ALDH8A1: variants seen among roughly 807,000 people sequenced by gnomAD.
ALDH8A1 encodes the protein aldehyde dehydrogenase 8 family member A1, also known as 2-aminomuconic semialdehyde dehydrogenase.
ALDH8A1 carries 39 observed loss-of-function variants against 43.3 expected under a neutral mutation model. The ratio of observed to expected loss-of-function variants is 0.90; its 90% CI spans 0.70 to 1.18. The LOEUF (loss-of-function observed/expected upper bound fraction) is 1.18, where lower values mean the gene tolerates loss of function less well. Ranked by LOEUF, ALDH8A1 falls within the 50% of genes most tolerant of loss-of-function variation. The pLI, the probability that ALDH8A1 is intolerant of heterozygous loss-of-function variation, is 0.00. For missense variants in ALDH8A1, 605 were observed against 622.6 expected (o/e 0.97, Z 0.30); for synonymous variants, 233 against 243.5 (o/e 0.96, Z 0.40).
intron 3 of ALDH8A1, 22 bp downstream of exon 3, chr6:134,942,387 G>T (rs1319933589): frequency 1.3e-5 from 21 of 1,569,912 alleles, no homozygotes; most frequent in Non-Finnish European, 1.7e-5. Context: ...CGGGAGGTGG[G>T]CTCTCACTGA....
intron 4 of ALDH8A1, among the ~76,000 whole-genome samples, chr6:134,935,631 A>C (rs1236626427): frequency 6.6e-6 from 1 of 152,104 alleles, no homozygotes; most frequent in Non-Finnish European, 1.5e-5. Flanking sequence ...TAGGTGCAGA[A>C]ATCTTGCAGC....
rs138749612 is a variant in ALDH8A1 at position 134,946,114 on chromosome 6, A to G, written c.139-2148T>C. Among the ~76,000 whole-genome samples the G allele has an allele frequency of 1.2e-3, 177 of 152,354 alleles. 1 individual carries two copies. Among genetic ancestry groups the G allele is most frequent in the African/African-American group, 4.0e-3 (167 of 41,574 alleles). Reference sequence around the variant, plus strand: ...TTTCCTTAATAAATTACCCAGTCTCAGGTATTATCTTTATAGCAGTGTTAG... The same window carrying G: ...TTTCCTTAATAAATTACCCAGTCTCGGGTATTATCTTTATAGCAGTGTTAG... On this transcript the variant is annotated intron_variant, in intron 1 of 6. Coordinates refer to ENST00000265605, the MANE Select transcript of ALDH8A1 (RefSeq NM_022568.4).
chr6:134,921,759 T>C (rs1445745198), intron 6 of ALDH8A1, among the ~76,000 whole-genome samples: 3 of 152,342 alleles, frequency 2.0e-5, no homozygotes, highest in East Asian at 3.9e-4. Flanking sequence ...GGAATGCAGA[T>C]GGCAGCCCAG....
chr6:134,945,688 C>T (rs996050499), intron 1 of ALDH8A1, among the ~76,000 whole-genome samples: 1 of 152,130 alleles, frequency 6.6e-6, no homozygotes, highest in Non-Finnish European at 1.5e-5. Flanking sequence ...AATCCTTTTC[C>T]ATAGGCTTCT....
chr6:134,939,879 A>ATGT (rs1188569063), intron 3 of ALDH8A1, among the ~76,000 whole-genome samples: 1 of 152,264 alleles, frequency 6.6e-6, no homozygotes, highest in African/African-American at 2.4e-5. Context: ...ACACAATGGA[A>ATGT]TACAATGCAG....
rs138741870 is a variant in ALDH8A1 at position 134,932,935 on chromosome 6, G to C, written c.690C>G (p.Thr230=). The C allele has an allele frequency of 4.3e-6, 7 of 1,614,066 alleles. No homozygotes were observed. Among genetic ancestry groups the C allele is most frequent in the Non-Finnish European group, 5.1e-6 (6 of 1,180,016 alleles). The change falls in exon 5 of 7, where the codon ACC becomes ACG. Residue 230 remains threonine (T), a synonymous_variant. Coordinates refer to ENST00000265605, the MANE Select transcript of ALDH8A1 (RefSeq NM_022568.4). ...TCCGCTCAGCGGTGGGCTGGCTCCCGGTGAAGGAGATCAGGGGCACCTCTG... is the reference window on the plus strand; with the variant it reads ...TCCGCTCAGCGGTGGGCTGGCTCCCCGTGAAGGAGATCAGGGGCACCTCTG... ...SHPEVPLISF[T]GSQPTAERIT...
chr6:134,939,564 C>T, intron 3 of ALDH8A1, 149 bp from the exon 4 acceptor site: 1 of 900,398 alleles, frequency 1.1e-6, no homozygotes, highest in East Asian at 2.7e-5. Flanking sequence ...TTATTTGTAG[C>T]CACTTTCAGG....
chr6:134,939,467 G>A, intron 3 of ALDH8A1, 52 bp from the exon 4 acceptor site: 1 of 1,581,824 alleles, frequency 6.3e-7, no homozygotes, highest in Non-Finnish European at 8.6e-7. Context: ...CCTCTGAGGT[G>A]GACTGGCCAA....
chr6:134,935,953 C>CTTT (rs5880239), intron 4 of ALDH8A1, among the ~76,000 whole-genome samples: 7 of 138,912 alleles, frequency 5.0e-5, no homozygotes, highest in African/African-American at 1.1e-4. Flanking sequence ...AGCCCCACTT[C>CTTT]TTTTTTTTTT....
intron 4 of ALDH8A1, among the ~76,000 whole-genome samples, chr6:134,937,415 C>A (rs1207678386): frequency 6.6e-6 from 1 of 152,150 alleles, no homozygotes; most frequent in Non-Finnish European, 1.5e-5. Context: ...GAACATGACC[C>A]CCTCTATATT....
Position 134,950,077 on chromosome 6 carries a change from C to G in ALDH8A1, c.-24G>C, listed in dbSNP as rs1448140511. ...ATAGCAAGGAAAAATTCTGCCTTTCCTCTTTACGACTGAGCACTCAGGTTG... is the reference window on the plus strand; with the variant it reads ...ATAGCAAGGAAAAATTCTGCCTTTCGTCTTTACGACTGAGCACTCAGGTTG... On this transcript the variant is annotated 5_prime_UTR_variant, in exon 1 of 7. Coordinates refer to ENST00000265605, the MANE Select transcript of ALDH8A1 (RefSeq NM_022568.4). 4 of 1,593,216 alleles carry G rather than the reference C, an allele frequency of 2.5e-6. No homozygotes were observed. Among genetic ancestry groups the G allele is most frequent in the Non-Finnish European group, 3.4e-6 (4 of 1,169,340 alleles).
At chr6:134,943,084 C>T (rs77959423) in intron 2 of ALDH8A1, among the ~76,000 whole-genome samples, 1,775 of 152,332 alleles carry the variant, frequency 0.012, 39 homozygotes, top group African/African-American at 0.04. Flanking sequence ...ACATGCCCTG[C>T]ACGTCCTAGC....
At chr6:134,932,264 A>G (rs2114691432) in intron 5 of ALDH8A1, among the ~76,000 whole-genome samples, 2 of 152,316 alleles carry the variant, frequency 1.3e-5, no homozygotes, top group Admixed American at 1.3e-4. Flanking sequence ...CTGTTATGTA[A>G]TTTCAGGAGC....
rs553600278 is a variant in ALDH8A1, at chr6:134,928,934, A to C, written c.1011+120T>G. ...TGTCCACAATTTCTCCCAGGTTATA[A>C]TTTTTCAAAAATGGGGTAGTAACTA... is the stretch of plus-strand genomic sequence containing the variant. On this transcript the variant is annotated intron_variant, in intron 6 of 6. Transcript: ENST00000265605. The C allele has an allele frequency of 3.1e-5, 35 of 1,114,460 alleles. No homozygotes were observed. The African/African-American group carries it at 4.9e-4, about 16-fold the overall frequency. 69.0% of individuals were successfully genotyped at this position (1,114,460 alleles called of 1,614,324 possible).
intron 1 of ALDH8A1, among the ~76,000 whole-genome samples, chr6:134,948,467 G>C (rs777291222): frequency 2.0e-5 from 3 of 152,102 alleles, no homozygotes; most frequent in African/African-American, 7.2e-5. Context: ...TTGTATGCAT[G>C]TATCAAAATG....
chr6:134,932,987 C>T lies in ALDH8A1; in HGVS notation c.638G>A (p.Arg213Lys). The T allele has an allele frequency of 6.2e-7, 1 of 1,608,696 alleles. No individual in the cohort carries two copies. Among genetic ancestry groups the T allele is most frequent in the Non-Finnish European group, 8.5e-7 (1 of 1,177,372 alleles). ...GTGGGACACCAGGGCCTCACCCACC[C>T]TGGGCCCGGTTCCAAACACAATATT... Reference protein sequence around the residue: ...VVNIVFGTGPRVGEALVSHPE... With the variant: ...VVNIVFGTGPKVGEALVSHPE... Residue 213 changes from arginine to lysine, a missense_variant, in exon 5 of 7, where the codon AGG becomes AAG. Arg to Lys is a conservative substitution (Grantham distance 26). Transcript: ENST00000265605.
chr6:134,942,168 C>T (rs9389244), intron 3 of ALDH8A1: 25,632 of 300,498 alleles, frequency 0.085, 1,679 homozygotes, highest in East Asian at 0.25. Flanking sequence ...TGCAGTGAGC[C>T]GAGATCATGC....
chr6:134,942,311 TC>T, intron 3 of ALDH8A1, 97 bp downstream of exon 3: 1 of 1,366,776 alleles, frequency 7.3e-7, no homozygotes, highest in South Asian at 1.8e-5. Flanking sequence ...TATCAGCTCT[TC>T]CTTTTCTTTA....
chr6:134,944,496 A>T (rs1773918728), intron 1 of ALDH8A1, among the ~76,000 whole-genome samples: 1 of 152,190 alleles, frequency 6.6e-6, no homozygotes, highest in African/African-American at 2.4e-5. Flanking sequence ...ATTTCAACCA[A>T]TGCATCCTGA....
Sources: gnomAD v4.1 joint callset for allele counts (sites outside exome capture counted in the v4.1 genomes callset) on GRCh38, gnomAD v4.1.1 for gene constraint, MANE v1.5 for transcripts, NCBI Gene and HGNC (gene_info 2026-07-23, HGNC 2026-07-21) for gene names.